The following CDK15 variants were observed in gnomAD, a reference collection of about 807,000 sequenced individuals.
CDK15 encodes cyclin dependent kinase 15, also known as cyclin-dependent kinase 15.
A neutral mutation model predicts 60.3 loss-of-function variants in CDK15; 62 were observed. The ratio of observed to expected loss-of-function variants is 1.03; its 90% CI spans 0.84 to 1.27. The LOEUF is 1.27. Among genes scored for constraint, CDK15 ranks in the 50% most tolerant of loss-of-function variants. The pLI is 0.00. For missense variants in CDK15, 541 were observed against 527.8 expected, an observed-to-expected ratio of 1.03 and a Z score of -0.25; for synonymous variants, 194 against 195.7, an observed-to-expected ratio of 0.99 and a Z score of 0.07.
rs796525714 is a variant in CDK15 at position 201,882,023 on chromosome 2, CT to C, written c.1198+1860del. ...ATCTTCAGAGTTTTCTAGGCTCCAG[CT>C]TTTGCTTGACGCAAGATGATTAGGA... On this transcript the variant is annotated intron_variant, in intron 12 of 13. Transcript: ENST00000652192. This position sits in a 1 kb window ranked among gnomAD's most constrained non-coding sequence, Gnocchi z 4.0. Among the ~76,000 whole-genome samples, 1 of 152,160 alleles carries C rather than the reference CT, an allele frequency of 6.6e-6. No individual in the cohort carries two copies. Among genetic ancestry groups the C allele is most frequent in the African/African-American group, 2.4e-5 (1 of 41,446 alleles).
At chr2:201,832,204 T>C (rs58153589) in intron 6 of CDK15, among the ~76,000 whole-genome samples, 41,521 of 151,944 alleles carry the variant, frequency 0.27, 5,842 homozygotes, top group East Asian at 0.42. Flanking sequence ...TACCACCACA[T>C]CTGGCTAATT....
chr2:201,875,087 A>G (rs559360289), intron 11 of CDK15, among the ~76,000 whole-genome samples: 81 of 152,310 alleles, frequency 5.3e-4, no homozygotes, highest in Middle Eastern at 3.4e-3. Flanking sequence ...GTGATGGGTT[A>G]GTAGATGGTG....
At chr2:201,856,601 C>T (rs1400208584) in intron 10 of CDK15, among the ~76,000 whole-genome samples, 1 of 152,140 alleles carries the variant, frequency 6.6e-6, no homozygotes, top group African/African-American at 2.4e-5. Flanking sequence ...TCTCCAGTTG[C>T]CATGGTTTCC....
chr2:201,870,949 A>G (rs1022386458), intron 10 of CDK15, among the ~76,000 whole-genome samples: 4 of 152,196 alleles, frequency 2.6e-5, no homozygotes, highest in Non-Finnish European at 5.9e-5. Context: ...AGTGAATGAG[A>G]AATCATTCCC....
At chr2:201,874,788 A>G (rs1699009406) in intron 11 of CDK15, among the ~76,000 whole-genome samples, 1 of 152,216 alleles carries the variant, frequency 6.6e-6, no homozygotes, top group African/African-American at 2.4e-5. Flanking sequence ...AGCTTCTGCA[A>G]TGTTTCTTCC....
intron 3 of CDK15, 60 bp downstream of exon 3, chr2:201,808,012 TATTATAAAGCCAGGTGAGACATC>T: frequency 7.0e-7 from 1 of 1,426,978 alleles, no homozygotes; most frequent in Non-Finnish European, 9.8e-7. Flanking sequence ...CCCAATTTCA[TATTATAAAGCCAGGTGAGACATC>T]ATAGAAGTTC....
At chr2:201,883,554 A>C (rs1423201693) in intron 12 of CDK15, among the ~76,000 whole-genome samples, 1 of 152,246 alleles carries the variant, frequency 6.6e-6, no homozygotes, top group African/African-American at 2.4e-5. Flanking sequence ...CAGCACCTGA[A>C]GTGGAAAAGT....
At chr2:201,807,392 T>G in intron 1 of CDK15, 102 bp from the exon 2 acceptor site, 1 of 1,258,242 alleles carries the variant, frequency 7.9e-7, no homozygotes, top group Non-Finnish European at 1.1e-6. Flanking sequence ...TTAGAAAACA[T>G]TTGAAGAGTG....
intron 10 of CDK15, among the ~76,000 whole-genome samples, chr2:201,862,934 G>T (rs1381780524): frequency 6.6e-6 from 1 of 152,100 alleles, no homozygotes; most frequent in Non-Finnish European, 1.5e-5. Flanking sequence ...GAATCTGTGA[G>T]CCTGGCGACA....
At chr2:201,868,985 T>C (rs1698746900) in intron 10 of CDK15, among the ~76,000 whole-genome samples, 1 of 152,282 alleles carries the variant, frequency 6.6e-6, no homozygotes, top group South Asian at 2.1e-4. Flanking sequence ...TCCTCAAGGA[T>C]CTAGAACTAG....
intron 8 of CDK15, among the ~76,000 whole-genome samples, chr2:201,842,466 G>A (rs549446706): frequency 6.6e-6 from 1 of 152,290 alleles, no homozygotes; most frequent in South Asian, 2.1e-4. Flanking sequence ...ATATAAAAAG[G>A]GTGGTCTAGA....
chr2:201,835,563 GGT>G, intron 7 of CDK15, 78 bp from the exon 8 acceptor site: 17 of 1,355,752 alleles, frequency 1.3e-5, no homozygotes, highest in Non-Finnish European at 1.6e-5. Flanking sequence ...TTTTTCTAAT[GGT>G]GTTTACCCTG....
chr2:201,861,735 A>G (rs1698408295), intron 10 of CDK15, among the ~76,000 whole-genome samples: 1 of 151,424 alleles, frequency 6.6e-6, no homozygotes, highest in Non-Finnish European at 1.5e-5. Flanking sequence ...TAATTTTTGT[A>G]TTTTTAGTAG....
At chr2:201,873,229 G>A (rs1183106212) in intron 11 of CDK15, among the ~76,000 whole-genome samples, 1 of 152,102 alleles carries the variant, frequency 6.6e-6, no homozygotes, top group African/African-American at 2.4e-5. Context: ...AATAGGTTAG[G>A]AACATAGAAC....
chr2:201,859,298 A>C (rs546908287), intron 10 of CDK15, among the ~76,000 whole-genome samples: 128 of 152,302 alleles, frequency 8.4e-4, no homozygotes, highest in Non-Finnish European at 1.5e-3. Flanking sequence ...CTTGGCTAAA[A>C]TCTGCTAGTA....
intron 6 of CDK15, among the ~76,000 whole-genome samples, chr2:201,828,345 G>A (rs1421775023): frequency 6.6e-6 from 1 of 152,034 alleles, no homozygotes; most frequent in Non-Finnish European, 1.5e-5. Context: ...ACAAAGAGAG[G>A]AGGACTGATG....
intron 4 of CDK15, among the ~76,000 whole-genome samples, chr2:201,818,864 T>C (rs746412183): frequency 2.6e-5 from 4 of 152,106 alleles, no homozygotes; most frequent in Admixed American, 1.3e-4. Context: ...ACTAGAGGTA[T>C]AGAAATGATA....
chr2:201,825,659 G>C (rs544218763), intron 6 of CDK15, among the ~76,000 whole-genome samples: 1 of 152,274 alleles, frequency 6.6e-6, no homozygotes, highest in East Asian at 1.9e-4. Flanking sequence ...TTTTTTTATG[G>C]TAATGCTTGG....
chr2:201,829,662 G>A (rs576902744), intron 6 of CDK15, among the ~76,000 whole-genome samples: 390 of 152,172 alleles, frequency 2.6e-3, no homozygotes, highest in Non-Finnish European at 4.3e-3. Flanking sequence ...ATCAGAATAC[G>A]GTTGTTCATT....
Sources: gnomAD v4.1 joint callset for allele counts (sites outside exome capture counted in the v4.1 genomes callset) on GRCh38, gnomAD v4.1.1 for gene constraint, Gnocchi (gnomAD v3.1) non-coding constraint, MANE v1.5 for transcripts, NCBI Gene and HGNC (gene_info 2026-07-23, HGNC 2026-07-21) for gene names.